The following CCDC171 variants were observed in gnomAD, a reference collection of about 807,000 sequenced individuals.
The protein encoded by CCDC171 is coiled-coil domain-containing protein 171.
CCDC171 carries 177 observed loss-of-function variants against 168.2 expected under a neutral mutation model. The ratio of observed to expected loss-of-function variants is 1.05; its 90% CI spans 0.93 to 1.19. The LOEUF is 1.19. Ranked by LOEUF, CCDC171 falls within the 50% of genes most tolerant of loss-of-function variation. The probability of loss-of-function intolerance (pLI) is 0.00; values close to 1 mark genes in which losing one functional copy is unlikely to be tolerated. For synonymous variants in CCDC171, 687 were observed against 540.8 expected (o/e 1.27, Z -3.75); for missense variants, 1,991 against 1,539.0 (o/e 1.29, Z -4.91).
chr9:15,964,951 C>T (rs949044456), intron 25 of CCDC171, among the ~76,000 whole-genome samples: 17 of 152,058 alleles, frequency 1.1e-4, no homozygotes, highest in Non-Finnish European at 1.2e-4. Flanking sequence ...TAAGCAGAGA[C>T]GGGTTTTCAC....
At chr9:15,740,328 AT>A (rs1298493653) in intron 16 of CCDC171, among the ~76,000 whole-genome samples, 1 of 149,352 alleles carries the variant, frequency 6.7e-6, no homozygotes, top group Non-Finnish European at 1.5e-5. Context: ...TGCTACCTTT[AT>A]CATTGAAGTT....
At chr9:15,654,108 A>T (rs2047737601) in intron 7 of CCDC171, among the ~76,000 whole-genome samples, 2 of 152,294 alleles carry the variant, frequency 1.3e-5, no homozygotes, top group African/African-American at 2.4e-5. Flanking sequence ...TATAAATTAT[A>T]AATGTCAGAT....
rs1461452211 is a variant in CCDC171 at position 15,999,309 on chromosome 9, AAAAG to A, written n.369-21272_369-21269del. 3.9e-3 allele frequency among the ~76,000 whole-genome samples: 588 copies of A among 151,036 alleles called. 4 individuals carry two copies. The highest frequency in any genetic ancestry group is 0.013 in the African/African-American group (542 of 41,160). ...AGGGAGGGAGGGAAGGAAGGAAGGA[AAAAG>A]AAAGAAAAGAAAAGAAGGAGGGAGG... is the stretch of plus-strand genomic sequence containing the variant. On this transcript the variant is annotated intron_variant and non_coding_transcript_variant, in intron 3 of 9. Transcript: ENST00000486641.
chr9:16,026,257 C>T (rs979383666), intron 6 of CCDC171, among the ~76,000 whole-genome samples: 1 of 152,126 alleles, frequency 6.6e-6, no homozygotes. Flanking sequence ...AACAGATACA[C>T]GTGGTGTTGG....
intron 16 of CCDC171, among the ~76,000 whole-genome samples, chr9:15,742,116 A>G (rs1451544419): frequency 6.6e-6 from 1 of 152,100 alleles, no homozygotes; most frequent in Non-Finnish European, 1.5e-5. Context: ...TTGATTTTGA[A>G]GAGAATATGG....
intron 10 of CCDC171, among the ~76,000 whole-genome samples, chr9:15,693,984 T>TAA (rs1279906775): frequency 6.6e-6 from 1 of 152,122 alleles, no homozygotes; most frequent in Non-Finnish European, 1.5e-5. Context: ...ATAATTATTA[T>TAA]AACACAGTGA....
chr9:16,031,697 G>A (rs1025535512), intron 6 of CCDC171, among the ~76,000 whole-genome samples: 2 of 152,166 alleles, frequency 1.3e-5, no homozygotes, highest in Non-Finnish European at 2.9e-5. Context: ...AGCTGCAAGA[G>A]GTACACTGAA....
At chr9:15,862,199 C>G (rs1409009923) in intron 23 of CCDC171, among the ~76,000 whole-genome samples, 2 of 151,470 alleles carry the variant, frequency 1.3e-5, no homozygotes, top group Non-Finnish European at 2.9e-5. Context: ...ATAAAAAAGA[C>G]TTAAAAATTC....
intron 24 of CCDC171, among the ~76,000 whole-genome samples, chr9:15,898,500 A>C (rs767479958): frequency 3.3e-5 from 5 of 152,170 alleles, no homozygotes; most frequent in Non-Finnish European, 5.9e-5. Context: ...TTATTCAAGT[A>C]TCTGCATAAG....
At chr9:15,960,330 G>A (rs943322225) in intron 25 of CCDC171, among the ~76,000 whole-genome samples, 1 of 152,134 alleles carries the variant, frequency 6.6e-6, no homozygotes, top group Non-Finnish European at 1.5e-5. Context: ...TCCAGTACCT[G>A]GAACAGTATT....
At chr9:16,029,121 A>G (rs1199125157) in intron 6 of CCDC171, among the ~76,000 whole-genome samples, 2 of 152,090 alleles carry the variant, frequency 1.3e-5, no homozygotes, top group African/African-American at 4.8e-5. Context: ...TAGACGTGGA[A>G]TAGGAAGTAG....
At chr9:15,764,228 T>C (rs758278823) in intron 18 of CCDC171, among the ~76,000 whole-genome samples, 7 of 152,198 alleles carry the variant, frequency 4.6e-5, no homozygotes, top group Non-Finnish European at 1.0e-4. Flanking sequence ...TGGTAAGAAC[T>C]TTAGATTTTA....
intron 3 of CCDC171, among the ~76,000 whole-genome samples, chr9:16,005,238 T>C (rs1832661853): frequency 6.6e-6 from 1 of 152,234 alleles, no homozygotes; most frequent in East Asian, 1.9e-4. Flanking sequence ...ACATTTCATA[T>C]AATCACATAA....
chr9:16,038,239 C>A (rs1484831667), upstream of CCDC171, among the ~76,000 whole-genome samples: 2 of 151,790 alleles, frequency 1.3e-5, no homozygotes, highest in African/African-American at 4.8e-5. Flanking sequence ...TTTTGGTCAC[C>A]AAAAATGTAA....
chr9:15,843,591 G>A (rs540256782), intron 21 of CCDC171, among the ~76,000 whole-genome samples: 12 of 152,154 alleles, frequency 7.9e-5, no homozygotes, highest in African/African-American at 2.6e-4. Flanking sequence ...TTACAGAGCT[G>A]TATGTTTTTC....
At chr9:15,852,831 A>T (rs969635784) in intron 23 of CCDC171, among the ~76,000 whole-genome samples, 1 of 151,542 alleles carries the variant, frequency 6.6e-6, no homozygotes, top group African/African-American at 2.4e-5. Flanking sequence ...GTTGAAAAGG[A>T]TGTTCTTTTC....
intron 22 of CCDC171, among the ~76,000 whole-genome samples, chr9:15,847,122 G>A (rs2060931985): frequency 1.3e-5 from 2 of 152,016 alleles, no homozygotes; most frequent in Admixed American, 6.6e-5. Flanking sequence ...TAGAAACTAT[G>A]TTTTATTAAT....
intron 3 of CCDC171, among the ~76,000 whole-genome samples, chr9:15,992,199 G>A (rs960975990): frequency 6.6e-6 from 1 of 152,152 alleles, no homozygotes; most frequent in African/African-American, 2.4e-5. Flanking sequence ...CTGGCAAACT[G>A]AATCCAGCAG....
intron 21 of CCDC171, among the ~76,000 whole-genome samples, chr9:15,796,546 T>C (rs1205837796): frequency 1.3e-5 from 2 of 152,222 alleles, no homozygotes; most frequent in African/African-American, 4.8e-5. Context: ...TATAACAATA[T>C]AATGTACACT....
Sources: allele counts gnomAD v4.1 joint callset (sites outside exome capture counted in the v4.1 genomes callset), GRCh38; gene constraint gnomAD v4.1.1; transcripts MANE v1.5; gene names NCBI Gene and HGNC (gene_info 2026-07-23, HGNC 2026-07-21).